The following BMP6 variants were observed in gnomAD, a reference collection of about 807,000 sequenced individuals.
BMP6 encodes bone morphogenetic protein 6, also known as VG-1-R.
In BMP6, 17 loss-of-function variants were observed where a neutral mutation model predicts 54.1. The observed-to-expected ratio is 0.31, with a 90% CI of 0.22 to 0.47. The LOEUF (loss-of-function observed/expected upper bound fraction) is 0.47. BMP6 is among the 20% of genes least tolerant of loss of function. BMP6 has a pLI of 1.00. For missense variants in BMP6, 720 were observed against 690.4 expected, an observed-to-expected ratio of 1.04 and a Z score of -0.48; for synonymous variants, 328 against 291.2, an observed-to-expected ratio of 1.13 and a Z score of -1.28.
In BMP6 at chr6:7,726,837, C is replaced by A. The variant is rs907189828; in HGVS notation, c.-119C>A. On this transcript the variant is annotated 5_prime_UTR_variant, in exon 1 of 7. Transcript: ENST00000283147. ...AGGACTGAGGGCCAGGAAGGGGAAG[C>A]GAGCCCGCCGAGAGGTGGCGGGGAC... is the stretch of plus-strand genomic sequence containing the variant. 2 of 554,382 alleles carry A rather than the reference C, an allele frequency of 3.6e-6. No homozygotes were observed. The highest frequency in any genetic ancestry group is 2.1e-4 in the East Asian group (2 of 9,454). 34.3% of individuals were successfully genotyped at this position (554,382 alleles called of 1,614,324 possible). A position where few individuals can be genotyped will look rare whatever the true frequency, so the allele number is the denominator to read the frequency against.
At chr6:7,835,485 T>G (rs1252181537) in intron 1 of BMP6, among the ~76,000 whole-genome samples, 1 of 152,182 alleles carries the variant, frequency 6.6e-6, no homozygotes, top group East Asian at 1.9e-4. Flanking sequence ...TCCTCTGCAG[T>G]GGAAATCAGG....
intron 1 of BMP6, among the ~76,000 whole-genome samples, chr6:7,808,853 G>A (rs1011984786): frequency 6.2e-5 from 9 of 146,216 alleles, no homozygotes; most frequent in Non-Finnish European, 1.2e-4. Context: ...GGTGGAGGCT[G>A]CATTGAGCTA....
intron 1 of BMP6, among the ~76,000 whole-genome samples, chr6:7,844,902 A>T (rs1561789781): frequency 6.6e-6 from 1 of 152,208 alleles, no homozygotes; most frequent in Non-Finnish European, 1.5e-5. Flanking sequence ...ATAAGTATAT[A>T]AGCAGAAGTA....
chr6:7,809,716 A>AT (rs1325051316), intron 1 of BMP6, among the ~76,000 whole-genome samples: 5 of 152,188 alleles, frequency 3.3e-5, no homozygotes, highest in East Asian at 1.9e-4. Flanking sequence ...CTATTTGTTG[A>AT]TTTTTTAGGG....
intron 1 of BMP6, among the ~76,000 whole-genome samples, chr6:7,771,696 G>A (rs968168306): frequency 1.5e-5 from 2 of 137,650 alleles, no homozygotes; most frequent in East Asian, 4.2e-4. Flanking sequence ...TGTTACACAG[G>A]GTGGTGCAGG....
intron 1 of BMP6, among the ~76,000 whole-genome samples, chr6:7,760,640 G>T (rs1757598921): frequency 6.6e-6 from 1 of 152,022 alleles, no homozygotes; most frequent in Non-Finnish European, 1.5e-5. Flanking sequence ...GCTAATTTTT[G>T]TATTTTTAGT....
rs562067759 is a variant in BMP6, at chr6:7,861,431, C to A, written c.858-20C>A. 4 of 1,612,986 alleles carry A rather than the reference C, an allele frequency of 2.5e-6. No individual in the cohort carries two copies. The highest frequency in any genetic ancestry group is 4.5e-5 in the East Asian group (2 of 44,872). ...TTCAGGCAGTGCGCTATTTACCAGG[C>A]CATTTTTTCTTTCTTTCAGAGACTC... On this transcript the variant is annotated intron_variant, in intron 2 of 6. Transcript: ENST00000283147.
chr6:7,842,836 A>AT (rs1389792357), intron 1 of BMP6, among the ~76,000 whole-genome samples: 6 of 152,222 alleles, frequency 3.9e-5, no homozygotes, highest in East Asian at 1.9e-4. Context: ...TATTTCTTAT[A>AT]TTTTTTCTAA....
At chr6:7,863,733 C>T (rs1384836641) in intron 4 of BMP6, among the ~76,000 whole-genome samples, 1 of 152,158 alleles carries the variant, frequency 6.6e-6, no homozygotes, top group African/African-American at 2.4e-5. Flanking sequence ...GAAGTGTTCT[C>T]CCTGGCAGGG....
chr6:7,813,666 A>C lies in BMP6; in HGVS notation c.665-31474A>C, dbSNP rs1476073500. ...TCAAAAAAAAAAAAAAAAAAAAAAA[A>C]AAACCCACCAAACCCAGTATAGAAA... is the stretch of plus-strand genomic sequence containing the variant. On this transcript the variant is annotated intron_variant, in intron 1 of 6. Coordinates refer to ENST00000283147, the MANE Select transcript of BMP6 (RefSeq NM_001718.6). Among the ~76,000 whole-genome samples, 14 of 110,044 alleles carry C rather than the reference A, an allele frequency of 1.3e-4. 1 individual carries two copies. The highest frequency in any genetic ancestry group is 5.9e-3 in the Middle Eastern group (1 of 170). The allele number at this position is 110,044 out of a possible 152,430, so 72.2% of individuals were successfully genotyped here.
chr6:7,730,747 C>G (rs1761839947), intron 1 of BMP6, among the ~76,000 whole-genome samples: 1 of 152,190 alleles, frequency 6.6e-6, no homozygotes, highest in Admixed American at 6.5e-5. Flanking sequence ...TAGAGAATTA[C>G]AGATTTCCTA....
intron 1 of BMP6, among the ~76,000 whole-genome samples, chr6:7,751,810 C>G (rs894472219): frequency 3.9e-5 from 6 of 152,194 alleles, no homozygotes; most frequent in Admixed American, 1.3e-4. Flanking sequence ...CTTTGTTAGT[C>G]AAGTGAGACT....
chr6:7,834,206 AGG>A (rs1426742922), intron 1 of BMP6, among the ~76,000 whole-genome samples: 4 of 87,748 alleles, frequency 4.6e-5, no homozygotes, highest in African/African-American at 8.5e-5. Flanking sequence ...TTTTTTTTTT[AGG>A]AAAAAAAAGT....
intron 5 of BMP6, 86 bp downstream of exon 5, chr6:7,879,236 G>A: frequency 7.3e-7 from 1 of 1,370,510 alleles, no homozygotes; most frequent in Non-Finnish European, 1.0e-6. Flanking sequence ...CAAACACCCA[G>A]AGCTTGATTG....
At chr6:7,793,220 A>G (rs1288387028) in intron 1 of BMP6, among the ~76,000 whole-genome samples, 6 of 152,170 alleles carry the variant, frequency 3.9e-5, no homozygotes, top group African/African-American at 1.2e-4. Flanking sequence ...CTTTCAAGCT[A>G]CAGAGGAATA....
chr6:7,854,387 A>ATT (rs1474039729), intron 2 of BMP6, among the ~76,000 whole-genome samples: 4 of 152,190 alleles, frequency 2.6e-5, no homozygotes, highest in African/African-American at 9.6e-5. Context: ...ATCTTTTTAA[A>ATT]AAAAAAAAAT....
intron 1 of BMP6, among the ~76,000 whole-genome samples, chr6:7,739,685 A>G (rs1762013466): frequency 1.4e-5 from 2 of 141,404 alleles, no homozygotes; most frequent in African/African-American, 2.6e-5. Context: ...ACTGTCCCCT[A>G]CCTGCCCACC....
chr6:7,727,465 G>A lies in BMP6; in HGVS notation c.510G>A (p.Gln170=), dbSNP rs768025593. The part of the protein sequence containing the change: ...SWPHEAASSS[Q]RRQPPPGAAH... ...CCCACGAAGCAGCCAGCTCGTCCCA[G>A]CGTCGGCAGCCGCCCCCGGGCGCCG... The change falls in exon 1 of 7, where the codon CAG becomes CAA. Residue 170 remains glutamine (Q), a synonymous_variant. Coordinates refer to ENST00000283147, the MANE Select transcript of BMP6 (RefSeq NM_001718.6). The A allele has an allele frequency of 1.3e-6, 2 of 1,596,648 alleles. No individual in the cohort carries two copies. Among genetic ancestry groups the A allele is most frequent in the East Asian group, 4.5e-5 (2 of 44,512 alleles).
chr6:7,812,898 T>C (rs1359505184), intron 1 of BMP6, among the ~76,000 whole-genome samples: 1 of 150,628 alleles, frequency 6.6e-6, no homozygotes, highest in Non-Finnish European at 1.5e-5. Flanking sequence ...GTCTGGGCTT[T>C]TCCTGGGCTA....
Sources: allele counts gnomAD v4.1 joint callset (sites outside exome capture counted in the v4.1 genomes callset), GRCh38; gene constraint gnomAD v4.1.1; transcripts MANE v1.5; gene names NCBI Gene and HGNC (gene_info 2026-07-23, HGNC 2026-07-21).